Variants in FER1L5 observed in about 807,000 individuals in gnomAD.
FER1L5 encodes fer-1-like protein 5.
A neutral mutation model predicts 279.9 loss-of-function variants in FER1L5; 187 were observed. The ratio of observed to expected loss-of-function variants is 0.67; its 90% CI spans 0.59 to 0.75. FER1L5 has a LOEUF of 0.75. Among genes scored for constraint, FER1L5 ranks in the 30% least tolerant of loss-of-function variants. The probability of loss-of-function intolerance (pLI) is 0.00; values close to 1 mark genes in which losing one functional copy is unlikely to be tolerated. For missense variants in FER1L5, 2,091 were observed against 2,594.4 expected (o/e 0.81, Z 4.21); for synonymous variants, 921 against 989.7 (o/e 0.93, Z 1.30).
At chr2:96,643,618 G>A (rs939539548) in intron 1 of FER1L5, among the ~76,000 whole-genome samples, 1 of 152,114 alleles carries the variant, frequency 6.6e-6, no homozygotes, top group East Asian at 1.9e-4. Context: ...CCAGAGTGCT[G>A]GGATTACAGG....
At chr2:96,643,334 G>A (rs1455343220) in intron 1 of FER1L5, among the ~76,000 whole-genome samples, 1 of 152,018 alleles carries the variant, frequency 6.6e-6, no homozygotes, top group Admixed American at 6.6e-5. Context: ...AATTGACAAG[G>A]CATTATTATT....
At chr2:96,701,863 C>T (rs996205791) in intron 45 of FER1L5, 92 bp from the exon 46 acceptor site, 22 of 1,264,472 alleles carry the variant, frequency 1.7e-5, no homozygotes, top group Non-Finnish European at 2.3e-5. Flanking sequence ...ACAACCTCAA[C>T]AGACCTCAGA....
At chr2:96,677,044 G>A (rs1450857186) in intron 19 of FER1L5, among the ~76,000 whole-genome samples, 3 of 152,124 alleles carry the variant, frequency 2.0e-5, no homozygotes, top group Non-Finnish European at 2.9e-5. Context: ...GTTTCGCCAC[G>A]TTGGCCAGGC....
chr2:96,702,140 C>T lies in FER1L5; in HGVS notation c.5159+97C>T, dbSNP rs912967524. 8 of 1,568,212 alleles carry T rather than the reference C, an allele frequency of 5.1e-6. No homozygotes were observed. The highest frequency in any genetic ancestry group is 1.4e-5 in the African/African-American group (1 of 73,280). On this transcript the variant is annotated intron_variant, in intron 46 of 52. Transcript: ENST00000624922. This position sits in a 1 kb window ranked among gnomAD's most constrained non-coding sequence, Gnocchi z 4.0. ...CCTCAGGTACTGAGCTGCAGTAATTCGTTTCTCTATTGGGAAGAGAGGAAG... is the reference window on the plus strand; with the variant it reads ...CCTCAGGTACTGAGCTGCAGTAATTTGTTTCTCTATTGGGAAGAGAGGAAG...
chr2:96,644,476 T>C (rs1479933817), intron 1 of FER1L5, among the ~76,000 whole-genome samples: 1 of 151,186 alleles, frequency 6.6e-6, no homozygotes, highest in African/African-American at 2.4e-5. Context: ...AGCAAGAGTC[T>C]GTCAGAAAGA....
Position 96,685,944 on chromosome 2 carries a change from C to T in FER1L5, c.1900C>T (p.Pro634Ser), listed in dbSNP as rs2076907607. The change falls in exon 22 of 53, where the codon CCT becomes TCT. Residue 634 changes from proline (P) to serine (S), a missense_variant. By Grantham distance (74) the Pro-to-Ser change is moderately conservative (BLOSUM62 -1). Transcript: ENST00000624922. ...LRELAEDCKRPLPCMTYQPKA... is the reference protein window; with the variant it reads ...LRELAEDCKRSLPCMTYQPKA... ...GCTACCCTGTCCTGGCCACAGGCGC[C>T]CTCTGCCCTGCATGACCTATCAGCC... is the stretch of plus-strand genomic sequence containing the variant. 6.5e-7 allele frequency: 1 copy of T among 1,539,002 alleles called. No individual in the cohort carries two copies. Among genetic ancestry groups the T allele is most frequent in the South Asian group, 1.2e-5 (1 of 81,642 alleles).
In FER1L5 at chr2:96,689,422, G is replaced by A. The variant is rs558992061; in HGVS notation, c.2525+46G>A. 5.2e-6 allele frequency: 8 copies of A among 1,538,604 alleles called. No individual in the cohort carries two copies. In the Admixed American group the frequency reaches 6.5e-5, roughly 12 times the overall value. ...CCCCACCAGAGGGGACACTTCACCT[G>A]GGAGGGCCAGTCCGCGGCAGCCCAG... is the stretch of plus-strand genomic sequence containing the variant. On this transcript the variant is annotated intron_variant, in intron 25 of 52. Coordinates refer to ENST00000624922, the MANE Select transcript of FER1L5 (RefSeq NM_001293083.2). This position sits in a 1 kb window ranked among gnomAD's most constrained non-coding sequence, Gnocchi z 4.6.
chr2:96,703,681 T>C (rs1355001923), intron 51 of FER1L5, 49 bp downstream of exon 51: 1 of 1,565,288 alleles, frequency 6.4e-7, no homozygotes, highest in Admixed American at 1.7e-5. Context: ...CTCCTCAGTG[T>C]GTATGGGGTG....
At chr2:96,644,640 A>G (rs2075041257) in intron 1 of FER1L5, among the ~76,000 whole-genome samples, 1 of 152,044 alleles carries the variant, frequency 6.6e-6, no homozygotes, top group South Asian at 2.1e-4. Context: ...AGAAAAGAGG[A>G]CACAGTAGTT....
Position 96,702,225 on chromosome 2 carries a change from C to A in FER1L5, c.5160-81C>A. The A allele has an allele frequency of 6.4e-7, 1 of 1,571,846 alleles. No homozygotes were observed. Among genetic ancestry groups the A allele is most frequent in the South Asian group, 1.2e-5 (1 of 86,526 alleles). On this transcript the variant is annotated intron_variant, in intron 46 of 52. Transcript: ENST00000624922. The surrounding 1 kb of genome is among the most constrained non-coding windows in gnomAD (Gnocchi z 4.0). ...CACTGAGCAAAAACACACAGGGCAGCCTCCCAGGCTTCTCTGCCCTCACTG... is the reference window on the plus strand; with the variant it reads ...CACTGAGCAAAAACACACAGGGCAGACTCCCAGGCTTCTCTGCCCTCACTG...
Position 96,694,438 on chromosome 2 carries a change from C to T in FER1L5, c.3715C>T (p.Pro1239Ser). ...ATACACACTCCCCAAGAGCATCCAG[C>T]CCACGATAAAGAGGATGGCCATTGA... ...GAYTLPKSIQ[P>S]TIKRMAIEIL... is the part of the protein sequence containing the mutation. The change falls in exon 34 of 53, where the codon CCC (proline) becomes TCC (serine). Residue 1239 changes from proline to serine, a missense_variant. Pro to Ser is a moderately conservative substitution (Grantham distance 74). Coordinates refer to ENST00000624922, the MANE Select transcript of FER1L5 (RefSeq NM_001293083.2). The surrounding 1 kb of genome is among the most constrained non-coding windows in gnomAD (Gnocchi z 4.6). 1.3e-6 allele frequency: 2 copies of T among 1,548,220 alleles called. No individual in the cohort carries two copies. Among genetic ancestry groups the T allele is most frequent in the Admixed American group, 3.9e-5 (2 of 50,804 alleles).
intron 31 of FER1L5, among the ~76,000 whole-genome samples, chr2:96,692,474 T>C (rs952979362): frequency 2.0e-5 from 3 of 152,304 alleles, no homozygotes; most frequent in East Asian, 1.9e-4. Flanking sequence ...AGGGCTGCTC[T>C]TGAGGCGTGA....
rs1432804150 is a variant in FER1L5 at position 96,699,662 on chromosome 2, G to A, written c.4723G>A (p.Glu1575Lys). 2 of 1,614,028 alleles carry A rather than the reference G, an allele frequency of 1.2e-6. No homozygotes were observed. Among genetic ancestry groups the A allele is most frequent in the Admixed American group, 1.7e-5 (1 of 60,032 alleles). The change falls in exon 43 of 53, where the codon GAA (glutamate) becomes AAA (lysine). Residue 1575 changes from glutamate (E) to lysine (K), a missense_variant. Physicochemically the swap from Glu to Lys is moderately conservative, Grantham distance 56 (BLOSUM62 1). Coordinates refer to ENST00000624922, the MANE Select transcript of FER1L5 (RefSeq NM_001293083.2). ...DKIGTTVIDL[E>K]NRLLSGFGAH... ...GATAGGAACCACAGTCATCGACCTT[G>A]AAAACCGACTCCTATCTGGCTTTGG...
intron 19 of FER1L5, among the ~76,000 whole-genome samples, chr2:96,679,165 A>G (rs2076619623): frequency 6.6e-6 from 1 of 151,918 alleles, no homozygotes; most frequent in Non-Finnish European, 1.5e-5. Context: ...AGCCTGGGCA[A>G]CATGGCGAGA....
In FER1L5 at chr2:96,647,894, A is replaced by G. The variant is rs1231390225; in HGVS notation, c.339+8A>G. On this transcript the variant is annotated splice_region_variant and intron_variant, in intron 4 of 52. Transcript: ENST00000624922. ...TCCATGAAGCCCACAGATGTGAGTC[A>G]GGCCCAGGAAGGCCCAGGCAGGGTG... is the stretch of plus-strand genomic sequence containing the variant. 1.3e-6 allele frequency: 2 copies of G among 1,538,614 alleles called. No homozygotes were observed. The highest frequency in any genetic ancestry group is 2.4e-5 in the South Asian group (2 of 83,816).
intron 6 of FER1L5, among the ~76,000 whole-genome samples, chr2:96,650,961 A>C (rs1175517938): frequency 6.6e-6 from 1 of 152,168 alleles, no homozygotes; most frequent in Non-Finnish European, 1.5e-5. Flanking sequence ...GGACCACATC[A>C]GAAGGCTTCT....
chr2:96,659,369 CTTT>C (rs763371001), intron 9 of FER1L5, among the ~76,000 whole-genome samples: 19 of 14,506 alleles, frequency 1.3e-3, no homozygotes, highest in East Asian at 0.01. Flanking sequence ...TTCCTTCTTT[CTTT>C]CTTTCTTTCT....
chr2:96,658,595 T>C (rs572134892), intron 9 of FER1L5, among the ~76,000 whole-genome samples: 3 of 152,000 alleles, frequency 2.0e-5, no homozygotes, highest in African/African-American at 7.2e-5. Context: ...AAGTTTTTTT[T>C]CCAAAATTCC....
In FER1L5 at chr2:96,702,945, G is replaced by C; in HGVS notation, c.5398-33G>C. ...GTGCAAGGGAAACGTCCAGGAGACA[G>C]GCCGGTAACACGCCCTTCCGCCATT... On this transcript the variant is annotated intron_variant, in intron 48 of 52. Transcript: ENST00000624922. This position sits in a 1 kb window ranked among gnomAD's most constrained non-coding sequence, Gnocchi z 4.0. 6.3e-7 allele frequency: 1 copy of C among 1,590,772 alleles called. No individual in the cohort carries two copies. Among genetic ancestry groups the C allele is most frequent in the Non-Finnish European group, 8.6e-7 (1 of 1,167,880 alleles).
Sources: gnomAD v4.1 joint callset for allele counts (sites outside exome capture counted in the v4.1 genomes callset) on GRCh38, gnomAD v4.1.1 for gene constraint, Gnocchi (gnomAD v3.1) non-coding constraint, MANE v1.5 for transcripts, NCBI Gene and HGNC (gene_info 2026-07-23, HGNC 2026-07-21) for gene names.